ARMC3: variants seen among roughly 807,000 people sequenced by gnomAD.
ARMC3 encodes armadillo repeat-containing protein 3.
A neutral mutation model predicts 90.3 loss-of-function variants in ARMC3; 74 were observed. That is an observed-to-expected ratio of 0.82 (90% CI 0.68 to 0.99). The LOEUF (loss-of-function observed/expected upper bound fraction) is 0.99, where lower values mean the gene tolerates loss of function less well. ARMC3 is among the 50% of genes least tolerant of loss of function. The pLI, the probability that ARMC3 is intolerant of heterozygous loss-of-function variation, is 0.00. For synonymous variants in ARMC3, 334 were observed against 361.8 expected (o/e 0.92, Z 0.87); for missense variants, 958 against 1,042.8 (o/e 0.92, Z 1.12).
chr10:23,017,711 A>C (rs1268787304), intron 16 of ARMC3, among the ~76,000 whole-genome samples: 2 of 152,264 alleles, frequency 1.3e-5, no homozygotes, highest in Non-Finnish European at 2.9e-5. Flanking sequence ...GGTTGCAGTG[A>C]GCCAAGATCG....
intron 16 of ARMC3, among the ~76,000 whole-genome samples, chr10:23,025,071 C>G (rs1160619833): frequency 6.6e-6 from 1 of 151,790 alleles, no homozygotes; most frequent in Non-Finnish European, 1.5e-5. Context: ...GTGTGTGAAC[C>G]AAACAACAAA....
chr10:23,018,586 T>C (rs1017015974), intron 16 of ARMC3, among the ~76,000 whole-genome samples: 1 of 148,334 alleles, frequency 6.7e-6, no homozygotes, highest in Non-Finnish European at 1.5e-5. Context: ...GCTCAATCTC[T>C]GCTCACTGCA....
intron 8 of ARMC3, among the ~76,000 whole-genome samples, chr10:22,979,385 A>G (rs1231389478): frequency 6.6e-6 from 1 of 152,232 alleles, no homozygotes; most frequent in African/African-American, 2.4e-5. Flanking sequence ...TTTAAGGTTT[A>G]GTGAACACAG....
At chr10:23,018,738 G>A (rs535452302) in intron 16 of ARMC3, among the ~76,000 whole-genome samples, 4 of 152,100 alleles carry the variant, frequency 2.6e-5, no homozygotes, top group East Asian at 1.9e-4. Context: ...GGATGGTCTC[G>A]ATCTTCTGAC....
In ARMC3 at chr10:22,965,586, A is replaced by G. The variant is rs368719155; in HGVS notation, c.733-2720A>G. On this transcript the variant is annotated intron_variant, in intron 7 of 18. Coordinates refer to ENST00000298032, the MANE Select transcript of ARMC3 (RefSeq NM_173081.5). ...TGTAAATTAGTGTTTTCTGCCAATC[A>G]TGGAATTTTTCAGTCATTATTTATG... 5.9e-5 allele frequency among the ~76,000 whole-genome samples: 9 copies of G among 152,230 alleles called. No individual in the cohort carries two copies. In the East Asian group the frequency reaches 7.7e-4, roughly 13 times the overall value.
intron 16 of ARMC3, among the ~76,000 whole-genome samples, chr10:23,023,238 G>A (rs74124521): frequency 0.014 from 2,093 of 152,170 alleles, 54 homozygotes; most frequent in African/African-American, 0.048. Flanking sequence ...GGACCAGTGG[G>A]AGTCCCAGCA....
intron 11 of ARMC3, among the ~76,000 whole-genome samples, chr10:23,001,219 A>C (rs1837271781): frequency 6.6e-6 from 1 of 152,230 alleles, no homozygotes; most frequent in Non-Finnish European, 1.5e-5. Context: ...CCACTGTAAC[A>C]AATGACCATC....
chr10:22,980,962 T>C (rs991340033), intron 8 of ARMC3, among the ~76,000 whole-genome samples: 2 of 152,232 alleles, frequency 1.3e-5, no homozygotes, highest in Non-Finnish European at 2.9e-5. Flanking sequence ...TTGGGTTTTA[T>C]ATTTAAAAGA....
intron 16 of ARMC3, among the ~76,000 whole-genome samples, chr10:23,021,662 G>T (rs1475615309): frequency 6.6e-6 from 1 of 152,010 alleles, no homozygotes; most frequent in Non-Finnish European, 1.5e-5. Context: ...ATTTTTAATG[G>T]GGTCATTCAT....
intron 16 of ARMC3, 130 bp from the exon 17 acceptor site, chr10:23,030,466 A>G: frequency 7.0e-7 from 1 of 1,432,992 alleles, no homozygotes; most frequent in Middle Eastern, 2.1e-4. Context: ...GGATCCACAC[A>G]GTTCAATCTC....
At chr10:22,953,910 G>C (rs941307561) in intron 3 of ARMC3, among the ~76,000 whole-genome samples, 1 of 152,260 alleles carries the variant, frequency 6.6e-6, no homozygotes. Flanking sequence ...TCATATGGTA[G>C]GTGTACATCA....
chr10:22,941,567 A>G (rs1011061964), intron 2 of ARMC3, among the ~76,000 whole-genome samples: 2 of 152,212 alleles, frequency 1.3e-5, no homozygotes, highest in African/African-American at 4.8e-5. Flanking sequence ...TAGGGATTCA[A>G]TAAATGTTTA....
intron 3 of ARMC3, among the ~76,000 whole-genome samples, chr10:22,949,731 C>T (rs536382451): frequency 6.6e-6 from 1 of 152,106 alleles, no homozygotes; most frequent in Non-Finnish European, 1.5e-5. Flanking sequence ...CTGATGAAAA[C>T]TCTAAGTCCA....
At chr10:23,036,509 A>G (rs149158105) in intron 18 of ARMC3, among the ~76,000 whole-genome samples, 98 of 152,246 alleles carry the variant, frequency 6.4e-4, no homozygotes, top group African/African-American at 2.3e-3. Context: ...TCTTCCTAAT[A>G]CCTTATGAAG....
chr10:22,963,253 T>G (rs1192598072), intron 7 of ARMC3, among the ~76,000 whole-genome samples: 1 of 152,202 alleles, frequency 6.6e-6, no homozygotes, highest in Non-Finnish European at 1.5e-5. Context: ...ATAATAATTC[T>G]ATCATTACAT....
At chr10:22,954,415 A>C (rs1422173628) in intron 3 of ARMC3, among the ~76,000 whole-genome samples, 4 of 151,822 alleles carry the variant, frequency 2.6e-5, no homozygotes, top group African/African-American at 4.8e-5. Flanking sequence ...TAATTCCAGC[A>C]CTTTGGGAGG....
chr10:22,981,195 T>C (rs1449050622), intron 8 of ARMC3, 145 bp from the exon 9 acceptor site: 2 of 710,730 alleles, frequency 2.8e-6, no homozygotes, highest in Non-Finnish European at 4.6e-6. Context: ...TAAAGTTAAA[T>C]AGTTGTAGAT....
rs1303463386 is a variant in ARMC3, at chr10:23,030,612, A to G, written c.2062A>G (p.Lys688Glu). The change falls in exon 17 of 19, where the codon AAA becomes GAA. Residue 688 changes from lysine (K) to glutamate (E), a missense_variant. Lys to Glu is a moderately conservative substitution (Grantham distance 56, BLOSUM62 1). Coordinates refer to ENST00000298032, the MANE Select transcript of ARMC3 (RefSeq NM_173081.5). Reference sequence around the variant, plus strand: ...CTTTCAAAGGAAAAGCAAAGGAAAAAAAGAAGAGGAAAAAGTGAAAGAGGA... The same window carrying G: ...CTTTCAAAGGAAAAGCAAAGGAAAAGAAGAAGAGGAAAAAGTGAAAGAGGA... ...EKGWRKSKGK[K>E]EEEKVKEEEE... is the part of the protein sequence containing the mutation. 1 of 1,612,890 alleles carries G rather than the reference A, an allele frequency of 6.2e-7. No individual in the cohort carries two copies. Among genetic ancestry groups the G allele is most frequent in the Non-Finnish European group, 8.5e-7 (1 of 1,179,512 alleles).
In ARMC3 at chr10:22,955,830, C is replaced by G; in HGVS notation, c.190C>G (p.Leu64Val). 6.2e-7 allele frequency: 1 copy of G among 1,613,874 alleles called. No individual in the cohort carries two copies. Among genetic ancestry groups the G allele is most frequent in the Non-Finnish European group, 8.5e-7 (1 of 1,179,896 alleles). ...AGGTGAGGAAAATAAAACAACCCTC[C>G]TTGAACTTGGAGCTGTGGAACCTTT... ...LKGEENKTTLLELGAVEPLTK... is the reference protein window; with the variant it reads ...LKGEENKTTLVELGAVEPLTK... The change falls in exon 4 of 19, where the codon CTT (leucine) becomes GTT (valine). Residue 64 changes from leucine to valine, a missense_variant. Coordinates refer to ENST00000298032, the MANE Select transcript of ARMC3 (RefSeq NM_173081.5).
Sources: allele counts gnomAD v4.1 joint callset (sites outside exome capture counted in the v4.1 genomes callset), GRCh38; gene constraint gnomAD v4.1.1; transcripts MANE v1.5; gene names NCBI Gene and HGNC (gene_info 2026-07-23, HGNC 2026-07-21).